VOPP1: variants seen among roughly 807,000 people sequenced by gnomAD.
VOPP1 encodes the protein VOPP1 WW domain binding protein.
Under a neutral mutation model 23.5 loss-of-function variants are expected in VOPP1, and 8 were observed. That is an observed-to-expected ratio of 0.34 (90% confidence interval 0.20 to 0.61). VOPP1 has a LOEUF of 0.61. VOPP1 is among the 20% of genes least tolerant of loss of function. The pLI is 0.78. For synonymous variants in VOPP1, 83 were observed against 97.3 expected (o/e 0.85, Z 0.86); for missense variants, 174 against 238.1 (o/e 0.73, Z 1.77).
intron 2 of VOPP1, among the ~76,000 whole-genome samples, chr7:55,513,264 C>T (rs374383004): frequency 6.6e-6 from 1 of 152,132 alleles, no homozygotes; most frequent in Admixed American, 6.6e-5. Context: ...TGGCTCCCTC[C>T]CACTTGAGTG....
chr7:55,521,675 G>A, intron 1 of VOPP1: 2 of 987,398 alleles, frequency 2.0e-6, no homozygotes, highest in Non-Finnish European at 2.4e-6. Context: ...AGCCTCTCCT[G>A]GGCTTTCCAG....
chr7:55,494,627 GTTTATTTTAAAAA>G (rs1793816753), intron 3 of VOPP1, among the ~76,000 whole-genome samples: 1 of 152,138 alleles, frequency 6.6e-6, no homozygotes, highest in South Asian at 2.1e-4. Context: ...GTTCATTTAT[GTTTATTTTAAAAA>G]TTTATTTAAA....
intron 4 of VOPP1, among the ~76,000 whole-genome samples, chr7:55,446,580 C>T (rs768288028): frequency 6.6e-6 from 1 of 152,208 alleles, no homozygotes; most frequent in East Asian, 1.9e-4. Context: ...GAGGAAACCA[C>T]ACCCATAGAG....
intron 2 of VOPP1, among the ~76,000 whole-genome samples, chr7:55,515,497 T>G (rs1228584147): frequency 1.3e-5 from 2 of 152,214 alleles, no homozygotes; most frequent in Non-Finnish European, 2.9e-5. Flanking sequence ...CAAAGGAAAC[T>G]GCAAATATTA....
intron 1 of VOPP1, chr7:55,561,766 AAC>A: frequency 2.1e-6 from 1 of 485,892 alleles, no homozygotes; most frequent in Non-Finnish European, 3.7e-6. Flanking sequence ...AAAAAAAACA[AAC>A]AAGCAATTAC....
At chr7:55,545,067 G>A (rs1356488876) in intron 1 of VOPP1, among the ~76,000 whole-genome samples, 1 of 152,190 alleles carries the variant, frequency 6.6e-6, no homozygotes, top group African/African-American at 2.4e-5. Flanking sequence ...GCAAATAGTA[G>A]AAGAACCAGC....
intron 4 of VOPP1, among the ~76,000 whole-genome samples, chr7:55,455,865 G>A (rs747148283): frequency 9.2e-5 from 14 of 152,104 alleles, no homozygotes; most frequent in Non-Finnish European, 1.9e-4. Context: ...AGAAAACCTA[G>A]GCAATACCAT....
intron 4 of VOPP1, among the ~76,000 whole-genome samples, chr7:55,481,476 T>C (rs1792706350): frequency 6.6e-6 from 1 of 152,040 alleles, no homozygotes; most frequent in Non-Finnish European, 1.5e-5. Context: ...GCCAGGGTGG[T>C]GTCGAGAGAA....
chr7:55,518,520 A>G (rs1795623358), intron 2 of VOPP1, among the ~76,000 whole-genome samples: 1 of 152,192 alleles, frequency 6.6e-6, no homozygotes. Flanking sequence ...TCTCACAGCC[A>G]AAACAGCAGG....
At chr7:55,526,434 T>C (rs748310224) in intron 1 of VOPP1, among the ~76,000 whole-genome samples, 9 of 152,218 alleles carry the variant, frequency 5.9e-5, no homozygotes, top group Non-Finnish European at 1.2e-4. Context: ...TACTCCTCCA[T>C]GTGCGCTGAG....
At chr7:55,469,815 G>T (rs1172676490), downstream of VOPP1, among the ~76,000 whole-genome samples, 1 of 152,202 alleles carries the variant, frequency 6.6e-6, no homozygotes, top group Non-Finnish European at 1.5e-5. Flanking sequence ...GTCTCCCAGG[G>T]ATGGACACAG....
downstream of VOPP1, among the ~76,000 whole-genome samples, chr7:55,434,993 A>G (rs1790789814): frequency 6.6e-6 from 1 of 152,212 alleles, no homozygotes; most frequent in Non-Finnish European, 1.5e-5. Flanking sequence ...TTCATTTGCT[A>G]AATTTACAAA....
intron 1 of VOPP1, among the ~76,000 whole-genome samples, chr7:55,570,718 G>A (rs1762640023): frequency 6.6e-6 from 1 of 152,150 alleles, no homozygotes; most frequent in African/African-American, 2.4e-5. Flanking sequence ...GAGGCGGGCG[G>A]ATCACCTGAG....
At chr7:55,514,256 T>C (rs1197930812) in intron 2 of VOPP1, among the ~76,000 whole-genome samples, 4 of 152,214 alleles carry the variant, frequency 2.6e-5, no homozygotes, top group Non-Finnish European at 4.4e-5. Context: ...TGCTCAGTCA[T>C]TCATCTTTTA....
chr7:55,533,880 G>A (rs763112355), intron 1 of VOPP1, among the ~76,000 whole-genome samples: 11 of 152,158 alleles, frequency 7.2e-5, no homozygotes, highest in Non-Finnish European at 1.6e-4. Context: ...TACCCAGTGT[G>A]TGGTGGGTGG....
intron 4 of VOPP1, among the ~76,000 whole-genome samples, chr7:55,477,595 A>C (rs1029584415): frequency 6.6e-6 from 1 of 152,174 alleles, no homozygotes; most frequent in African/African-American, 2.4e-5. Flanking sequence ...CTATGTTTGC[A>C]ATGTGGCCAC....
At chr7:55,477,508 G>A (rs1005617170) in intron 4 of VOPP1, among the ~76,000 whole-genome samples, 3 of 152,200 alleles carry the variant, frequency 2.0e-5, no homozygotes, top group African/African-American at 7.2e-5. Flanking sequence ...GGCTCCTGTC[G>A]AGGGGAGGAT....
chr7:55,547,398 G>C (rs563128064), intron 1 of VOPP1, among the ~76,000 whole-genome samples: 1 of 152,194 alleles, frequency 6.6e-6, no homozygotes, highest in Non-Finnish European at 1.5e-5. Context: ...CCAAGGCTGG[G>C]AGTGAAATTT....
chr7:55,504,854 G>A (rs1013047658), intron 2 of VOPP1, among the ~76,000 whole-genome samples: 12 of 152,308 alleles, frequency 7.9e-5, no homozygotes, highest in Admixed American at 7.8e-4. Context: ...ACTTATTGGA[G>A]CTTCAGGCAG....
Sources: allele counts gnomAD v4.1 joint callset (sites outside exome capture counted in the v4.1 genomes callset), GRCh38; gene constraint gnomAD v4.1.1; transcripts MANE v1.5; gene names NCBI Gene and HGNC (gene_info 2026-07-23, HGNC 2026-07-21).